The following HIPK1 variants were observed in gnomAD, a reference collection of about 807,000 sequenced individuals.
HIPK1 encodes homeodomain interacting protein kinase 1.
Under a neutral mutation model 117.1 loss-of-function variants are expected in HIPK1, and 28 were observed. The ratio of observed to expected loss-of-function variants is 0.24; its 90% CI spans 0.18 to 0.33. The LOEUF (loss-of-function observed/expected upper bound fraction) is 0.33, where lower values mean the gene tolerates loss of function less well. HIPK1 is among the 10% of genes least tolerant of loss of function. The pLI, the probability that HIPK1 is intolerant of heterozygous loss-of-function variation, is 1.00. For missense variants in HIPK1, 1,122 were observed against 1,475.1 expected (o/e 0.76, Z 3.92); for synonymous variants, 605 against 562.5 (o/e 1.08, Z -1.07).
intron 1 of HIPK1, among the ~76,000 whole-genome samples, chr1:113,930,203 C>T (rs958227148): frequency 6.6e-6 from 1 of 152,252 alleles, no homozygotes; most frequent in Non-Finnish European, 1.5e-5. Context: ...CACTTCTCGC[C>T]TGGGCGTGTT....
chr1:113,953,124 A>T (rs1027630806), intron 3 of HIPK1, among the ~76,000 whole-genome samples: 3 of 152,212 alleles, frequency 2.0e-5, no homozygotes, highest in Admixed American at 2.0e-4. Context: ...ATTAAGGTTG[A>T]TACTTTGCTA....
intron 9 of HIPK1, among the ~76,000 whole-genome samples, chr1:113,962,994 T>TA (rs1672224396): frequency 6.6e-6 from 1 of 152,212 alleles, no homozygotes; most frequent in Admixed American, 6.5e-5. Flanking sequence ...GAGAAAATTG[T>TA]AAAGTATTTA....
intron 4 of HIPK1, 97 bp from the exon 5 acceptor site, chr1:113,955,466 T>C (rs1377171956): frequency 4.1e-6 from 3 of 728,380 alleles, no homozygotes; most frequent in Non-Finnish European, 4.8e-6. Context: ...GTTGGCAAGG[T>C]GACCACACTT....
intron 3 of HIPK1, 134 bp from the exon 4 acceptor site, chr1:113,954,517 C>T: frequency 1.2e-6 from 1 of 838,242 alleles, no homozygotes; most frequent in Non-Finnish European, 1.9e-6. Context: ...TAGGTATTTA[C>T]AGATAAATTT....
At position 113,940,473 on chromosome 1, in the gene HIPK1, C is replaced by T; in HGVS notation, c.90C>T (p.Gly30=). The T allele has an allele frequency of 6.2e-7, 1 of 1,614,180 alleles. No individual in the cohort carries two copies. Among genetic ancestry groups the T allele is most frequent in the Non-Finnish European group, 8.5e-7 (1 of 1,180,030 alleles). ...SAKKLKIEPS[G]WDVSGQSSND... Reference sequence around the variant, plus strand: ...AGAAACTGAAAATAGAGCCCTCTGGCTGGGATGTTTCAGGACAGAGTAGCA... The same window carrying T: ...AGAAACTGAAAATAGAGCCCTCTGGTTGGGATGTTTCAGGACAGAGTAGCA... Residue 30 remains glycine (G), a synonymous_variant, in exon 2 of 16, where the codon GGC becomes GGT. Transcript: ENST00000426820.
chr1:113,949,716 A>G (rs777964793), intron 2 of HIPK1, among the ~76,000 whole-genome samples: 12 of 150,756 alleles, frequency 8.0e-5, no homozygotes, highest in Non-Finnish European at 1.6e-4. Context: ...CTCCTGCCTC[A>G]GCCTCCTGAG....
At chr1:113,960,217 C>T (rs556483458) in intron 8 of HIPK1, among the ~76,000 whole-genome samples, 5 of 152,250 alleles carry the variant, frequency 3.3e-5, no homozygotes, top group African/African-American at 9.6e-5. Context: ...CCATACTTAC[C>T]TGATTCTTTA....
rs767306053 is a variant in HIPK1 at position 113,963,501 on chromosome 1, G to A, written c.2218G>A (p.Glu740Lys). ...CGCAGCCGGCCGGCCGGCGCTGGTT[G>A]AACAGACTGCCGCTGTACTGGTAAT... is the stretch of plus-strand genomic sequence containing the variant. ...SCAAGRPALV[E>K]QTAAVLQAWP... Residue 740 changes from glutamate to lysine, a missense_variant, in exon 10 of 16, where the codon GAA becomes AAA. Around this residue, in one of 6 missense-constraint regions of HIPK1, gnomAD observed 731 missense variants for 860.4 expected, o/e 0.85. Coordinates refer to ENST00000426820, the MANE Select transcript of HIPK1 (RefSeq NM_198268.3). 5.0e-6 allele frequency: 8 copies of A among 1,614,150 alleles called. No homozygotes were observed. Among genetic ancestry groups the A allele is most frequent in the Non-Finnish European group, 8.5e-7 (1 of 1,179,998 alleles).
intron 11 of HIPK1, among the ~76,000 whole-genome samples, chr1:113,967,158 A>G (rs78932228): frequency 1.4e-3 from 220 of 152,278 alleles, no homozygotes; most frequent in Non-Finnish European, 2.1e-3. Context: ...GCTGCTTCCA[A>G]ATCTTACTGT....
chr1:113,962,211 A>G, intron 8 of HIPK1, 106 bp from the exon 9 acceptor site: 1 of 1,191,246 alleles, frequency 8.4e-7, no homozygotes, highest in Non-Finnish European at 1.2e-6. Flanking sequence ...TAGGATTAAA[A>G]CCTGAACAGT....
In HIPK1 at chr1:113,956,635, G is replaced by A. The variant is rs1671746731; in HGVS notation, c.1416G>A (p.Met472Ile). Residue 472 changes from methionine to isoleucine, a missense_variant, in exon 6 of 16, where the codon ATG (methionine) becomes ATA (isoleucine). By Grantham distance (10) the Met-to-Ile change is conservative. Around this residue, in one of 6 missense-constraint regions of HIPK1, gnomAD observed 127 missense variants for 197.9 expected, o/e 0.64. Transcript: ENST00000426820. ...NCLDDMAQVN[M>I]STDLEGTDML... ...TGAATTTTCTTTGGAAGGTGAATAT[G>A]TCTACAGACCTGGAGGGAACAGACA... 2 of 1,610,962 alleles carry A rather than the reference G, an allele frequency of 1.2e-6. No homozygotes were observed. The highest frequency in any genetic ancestry group is 1.1e-5 in the South Asian group (1 of 90,598).
At chr1:113,929,762 G>A (rs1558118804) in intron 1 of HIPK1, 1 of 885,136 alleles carries the variant, frequency 1.1e-6, no homozygotes, top group Middle Eastern at 5.6e-4. Flanking sequence ...CGGGAGGGAG[G>A]CTGAGGAGGC....
chr1:113,971,036 T>C (rs1672792036), intron 14 of HIPK1, among the ~76,000 whole-genome samples: 1 of 152,240 alleles, frequency 6.6e-6, no homozygotes, highest in South Asian at 2.1e-4. Flanking sequence ...TGGTGAAGTT[T>C]AGGTGTCAAC....
At position 113,941,583 on chromosome 1, in the gene HIPK1, G is replaced by A. The variant is rs1471110569; in HGVS notation, c.1076+124G>A. The A allele has an allele frequency of 1.3e-6, 1 of 751,904 alleles. No individual in the cohort carries two copies. The highest frequency in any genetic ancestry group is 2.2e-6 in the Non-Finnish European group (1 of 462,590). The allele number at this position is 751,904 out of a possible 1,614,324, so 46.6% of individuals were successfully genotyped here. A position where few individuals can be genotyped will look rare whatever the true frequency, so the allele number is the denominator to read the frequency against. On this transcript the variant is annotated intron_variant, in intron 2 of 15. Transcript: ENST00000426820. The surrounding 1 kb of genome is among the most constrained non-coding windows in gnomAD (Gnocchi z 4.9). ...AGATTCTGAGATAGAAATAGGATAT[G>A]TTTTAGCTCATTCTATGTGTGTGGC...
chr1:113,972,065 G>T, intron 15 of HIPK1, 111 bp downstream of exon 15: 1 of 1,612,394 alleles, frequency 6.2e-7, no homozygotes, highest in Non-Finnish European at 8.5e-7. Context: ...CCCCTTTTGT[G>T]TCAAACAATT....
At chr1:113,972,971 G>A in intron 15 of HIPK1, 53 bp from the exon 16 acceptor site, 1 of 1,500,260 alleles carries the variant, frequency 6.7e-7, no homozygotes, top group East Asian at 2.3e-5. Context: ...GGCCTTTGGT[G>A]CCCTGAGCTG....
intron 2 of HIPK1, among the ~76,000 whole-genome samples, chr1:113,948,776 G>GAT (rs1199578617): frequency 6.6e-6 from 1 of 151,768 alleles, no homozygotes; most frequent in Non-Finnish European, 1.5e-5. Flanking sequence ...CTGTGGAAGT[G>GAT]ATATTTTCCT....
chr1:113,954,144 A>G (rs1310477617), intron 3 of HIPK1, among the ~76,000 whole-genome samples: 4 of 151,910 alleles, frequency 2.6e-5, no homozygotes, highest in Non-Finnish European at 5.9e-5. Context: ...TATTTTTTGT[A>G]GAGTCGGGGA....
At position 113,941,129 on chromosome 1, in the gene HIPK1, A is replaced by G; in HGVS notation, c.746A>G (p.Tyr249Cys). The G allele has an allele frequency of 6.2e-7, 1 of 1,614,268 alleles. No homozygotes were observed. Among genetic ancestry groups the G allele is most frequent in the South Asian group, 1.1e-5 (1 of 91,090 alleles). Residue 249 changes from tyrosine to cysteine, a missense_variant, in exon 2 of 16, where the codon TAT (tyrosine) becomes TGT (cysteine). Coordinates refer to ENST00000426820, the MANE Select transcript of HIPK1 (RefSeq NM_198268.3). The surrounding 1 kb of genome is among the most constrained non-coding windows in gnomAD (Gnocchi z 4.9). ...CTAAGCAGTGAAAATGCTGATGAGT[A>G]TAATTTTGTCCGTTCATACGAGTGC... ...SRLSSENADEYNFVRSYECFQ... is the reference protein window; with the variant it reads ...SRLSSENADECNFVRSYECFQ...
Sources: gnomAD v4.1 joint callset for allele counts (sites outside exome capture counted in the v4.1 genomes callset) on GRCh38, gnomAD v4.1.1 for gene constraint, gnomAD v4.1.1 regional missense constraint, Gnocchi (gnomAD v3.1) non-coding constraint, MANE v1.5 for transcripts, NCBI Gene and HGNC (gene_info 2026-07-23, HGNC 2026-07-21) for gene names.